The following FNDC3A variants were observed in gnomAD, a reference collection of about 807,000 sequenced individuals.
The protein encoded by FNDC3A is fibronectin type III domain containing 3A, also known as fibronectin type-III domain-containing protein 3A.
Under a neutral mutation model 148.9 loss-of-function variants are expected in FNDC3A, and 32 were observed. The ratio of observed to expected loss-of-function variants is 0.21; its 90% CI spans 0.16 to 0.29. FNDC3A has a LOEUF of 0.29. Ranked by LOEUF, FNDC3A falls within the 10% of genes least tolerant of loss-of-function variation. The pLI is 1.00. For synonymous variants in FNDC3A, 472 were observed against 473.6 expected (o/e 1.00, Z 0.04); for missense variants, 1,191 against 1,452.8 (o/e 0.82, Z 2.93).
At chr13:49,133,076 T>G (rs569119564) in intron 5 of FNDC3A, among the ~76,000 whole-genome samples, 1 of 152,324 alleles carries the variant, frequency 6.6e-6, no homozygotes, top group Non-Finnish European at 1.5e-5. Context: ...AGTGGATATA[T>G]TGTACACATC....
chr13:49,063,881 G>A lies in FNDC3A; in HGVS notation c.100-11408G>A, dbSNP rs545802389. On this transcript the variant is annotated intron_variant, in intron 2 of 25. Coordinates refer to ENST00000492622, the MANE Select transcript of FNDC3A (RefSeq NM_001079673.2). ...TATAATAATTCTTCTACTTAAAAAT[G>A]TAAAACTCTAGTGTAGCAAAACAAA... Among the ~76,000 whole-genome samples, 7 of 152,240 alleles carry A rather than the reference G, an allele frequency of 4.6e-5. No individual in the cohort carries two copies. In the East Asian group the frequency reaches 1.2e-3, roughly 25 times the overall value.
chr13:49,188,875 A>C (rs1038978921), intron 17 of FNDC3A, among the ~76,000 whole-genome samples: 1 of 152,188 alleles, frequency 6.6e-6, no homozygotes, highest in African/African-American at 2.4e-5. Context: ...AATACATGAA[A>C]ACATTGGAGA....
Position 49,201,879 on chromosome 13 carries a change from A to C in FNDC3A, c.3067A>C (p.Ile1023Leu). 1 of 1,595,382 alleles carries C rather than the reference A, an allele frequency of 6.3e-7. No homozygotes were observed. Among genetic ancestry groups the C allele is most frequent in the South Asian group, 1.1e-5 (1 of 89,002 alleles). ...LNESTSYKFC[I>L]QACNEAGEGP... ...TGAGTCAACATCCTATAAATTCTGTATTCAAGCTTGTAATGAAGCTGGGGA... is the reference window on the plus strand; with the variant it reads ...TGAGTCAACATCCTATAAATTCTGTCTTCAAGCTTGTAATGAAGCTGGGGA... The change falls in exon 24 of 26, where the codon ATT (isoleucine) becomes CTT (leucine). Residue 1023 changes from isoleucine (I) to leucine (L), a missense_variant. Physicochemically the swap from Ile to Leu is conservative, Grantham distance 5 (BLOSUM62 2). This residue lies in a region of FNDC3A where 751 missense variants were observed against 944.0 expected (regional missense o/e 0.80). Coordinates refer to ENST00000492622, the MANE Select transcript of FNDC3A (RefSeq NM_001079673.2).
At chr13:49,042,425 T>C (rs1178661883) in intron 2 of FNDC3A, among the ~76,000 whole-genome samples, 1 of 152,186 alleles carries the variant, frequency 6.6e-6, no homozygotes, top group Non-Finnish European at 1.5e-5. Context: ...TTTTGTTTCC[T>C]TCCTTTTATT....
intron 2 of FNDC3A, among the ~76,000 whole-genome samples, chr13:49,069,500 C>T (rs73184665): frequency 6.6e-6 from 1 of 152,082 alleles, no homozygotes; most frequent in Non-Finnish European, 1.5e-5. Context: ...ATGTCATTTC[C>T]GATCCTTGTG....
At chr13:48,982,256 T>C (rs1951706832) in intron 1 of FNDC3A, among the ~76,000 whole-genome samples, 1 of 152,126 alleles carries the variant, frequency 6.6e-6, no homozygotes, top group Non-Finnish European at 1.5e-5. Flanking sequence ...TTCTAAATTT[T>C]TTTTGTTTTC....
intron 2 of FNDC3A, among the ~76,000 whole-genome samples, chr13:49,017,281 T>A (rs2137630413): frequency 6.6e-6 from 1 of 152,338 alleles, no homozygotes; most frequent in South Asian, 2.1e-4. Context: ...TGAGTCTTGG[T>A]GCTCCTGTAT....
Position 49,142,273 on chromosome 13 carries a change from C to T in FNDC3A, c.819+3468C>T, listed in dbSNP as rs142983613. Among the ~76,000 whole-genome samples the T allele has an allele frequency of 1.5e-4, 23 of 152,264 alleles. No homozygotes were observed. In the East Asian group the frequency reaches 4.2e-3, roughly 28 times the overall value. ...TCTGCTTGTCTATACTATTTTATCA[C>T]GTTCTTCATTCCTGTAAAATGAAGA... On this transcript the variant is annotated intron_variant, in intron 7 of 25. Transcript: ENST00000492622.
intron 1 of FNDC3A, among the ~76,000 whole-genome samples, chr13:49,000,858 T>C (rs546482931): frequency 3.3e-5 from 5 of 152,308 alleles, no homozygotes; most frequent in African/African-American, 1.2e-4. Flanking sequence ...TTATTTCTTT[T>C]TCAAATTTTC....
chr13:49,113,140 C>T (rs1267249668), intron 3 of FNDC3A, among the ~76,000 whole-genome samples: 3 of 147,102 alleles, frequency 2.0e-5, no homozygotes, highest in Non-Finnish European at 3.0e-5. Context: ...CCCTTCTTGT[C>T]TTCTCTTCAC....
chr13:49,024,941 T>C (rs970313465), intron 2 of FNDC3A, among the ~76,000 whole-genome samples: 2 of 152,062 alleles, frequency 1.3e-5, no homozygotes, highest in Admixed American at 1.3e-4. Context: ...TCTCTGCTTC[T>C]AAAAGTGATT....
At chr13:49,010,301 T>C (rs1952312379) in intron 2 of FNDC3A, among the ~76,000 whole-genome samples, 1 of 152,104 alleles carries the variant, frequency 6.6e-6, no homozygotes, top group African/African-American at 2.4e-5. Context: ...AATATTGGCT[T>C]GGTGTGTAAA....
At chr13:48,990,490 G>T (rs1296282394) in intron 1 of FNDC3A, among the ~76,000 whole-genome samples, 1 of 148,066 alleles carries the variant, frequency 6.8e-6, no homozygotes, top group African/African-American at 2.5e-5. Context: ...GGTGGCTCGT[G>T]CCTGTAATCC....
chr13:49,027,610 C>T (rs908832038), intron 2 of FNDC3A, among the ~76,000 whole-genome samples: 1 of 152,086 alleles, frequency 6.6e-6, no homozygotes, highest in Non-Finnish European at 1.5e-5. Flanking sequence ...GTGTTTTTTA[C>T]ATACAATTGG....
At chr13:49,073,287 TA>T (rs1877828792) in intron 2 of FNDC3A, among the ~76,000 whole-genome samples, 1 of 152,104 alleles carries the variant, frequency 6.6e-6, no homozygotes, top group Non-Finnish European at 1.5e-5. Context: ...TACAAATCAT[TA>T]AAAACACTTA....
chr13:49,027,836 C>A (rs1443252483), intron 2 of FNDC3A, among the ~76,000 whole-genome samples: 1 of 152,060 alleles, frequency 6.6e-6, no homozygotes, highest in Non-Finnish European at 1.5e-5. Flanking sequence ...AAATAGCAAA[C>A]TGATAAGGCA....
rs1188857794 is a variant in FNDC3A at position 49,049,232 on chromosome 13, GTC to G, written c.100-26053_100-26052del. Among the ~76,000 whole-genome samples, 3 of 152,054 alleles carry G rather than the reference GTC, an allele frequency of 2.0e-5. No individual in the cohort carries two copies. The East Asian group carries it at 5.8e-4, about 29-fold the overall frequency. On this transcript the variant is annotated intron_variant, in intron 2 of 25. Coordinates refer to ENST00000492622, the MANE Select transcript of FNDC3A (RefSeq NM_001079673.2). ...AGCTAGTATTTTGTTGAGAATTTTT[GTC>G]TCTGTGTTTATCAGGGATATTGGTC...
chr13:49,083,543 A>G (rs1450292436), intron 3 of FNDC3A, among the ~76,000 whole-genome samples: 1 of 152,218 alleles, frequency 6.6e-6, no homozygotes, highest in Non-Finnish European at 1.5e-5. Context: ...CCCAAGGAAG[A>G]TAACCAGGAG....
chr13:49,032,429 ATAT>A (rs751200811), intron 2 of FNDC3A, among the ~76,000 whole-genome samples: 12 of 152,214 alleles, frequency 7.9e-5, no homozygotes, highest in Non-Finnish European at 1.6e-4. Flanking sequence ...GTAAAATGGA[ATAT>A]TATTATTTGG....
Sources: allele counts gnomAD v4.1 joint callset (sites outside exome capture counted in the v4.1 genomes callset), GRCh38; gene constraint gnomAD v4.1.1; regional missense constraint gnomAD v4.1.1; transcripts MANE v1.5; gene names NCBI Gene and HGNC (gene_info 2026-07-23, HGNC 2026-07-21).